CREB5: variants seen among roughly 807,000 people sequenced by gnomAD.
The protein encoded by CREB5 is cAMP responsive element binding protein 5.
Under a neutral mutation model 57.1 loss-of-function variants are expected in CREB5, and 19 were observed. The ratio of observed to expected loss-of-function variants is 0.33; its 90% CI spans 0.23 to 0.49. The LOEUF is 0.49. Ranked by LOEUF, CREB5 falls within the 20% of genes least tolerant of loss-of-function variation. The pLI, the probability that CREB5 is intolerant of heterozygous loss-of-function variation, is 0.99. For synonymous variants in CREB5, 238 were observed against 238.3 expected, an observed-to-expected ratio of 1.00 and a Z score of 0.01; for missense variants, 579 against 671.6, an observed-to-expected ratio of 0.86 and a Z score of 1.52.
In CREB5 at chr7:28,477,714, T is replaced by C. The variant is rs147172822; in HGVS notation, c.4-10461T>C. Among the ~76,000 whole-genome samples the C allele has an allele frequency of 2.3e-3, 343 of 152,280 alleles. 2 individuals are homozygous for C. The highest frequency in any genetic ancestry group is 7.7e-3 in the African/African-American group (320 of 41,570). ...CTTCCATGTGCTTTTTCCAGAGTGT[T>C]TTAGTGGATTTGCAGGCTTTAGTGA... On this transcript the variant is annotated intron_variant, in intron 1 of 10. Coordinates refer to ENST00000357727, the MANE Select transcript of CREB5 (RefSeq NM_182898.4).
intron 5 of CREB5, among the ~76,000 whole-genome samples, chr7:28,588,575 G>C (rs1209370089): frequency 6.6e-6 from 1 of 152,108 alleles, no homozygotes; most frequent in Non-Finnish European, 1.5e-5. Context: ...ATCTTCTTCA[G>C]TACCTTTCAA....
chr7:28,559,594 C>T (rs776733940), intron 4 of CREB5, among the ~76,000 whole-genome samples: 25 of 152,188 alleles, frequency 1.6e-4, no homozygotes, highest in African/African-American at 5.3e-4. Context: ...GGATTACAGG[C>T]GTGAGCCACC....
intron 1 of CREB5, among the ~76,000 whole-genome samples, chr7:28,445,055 C>A (rs985662719): frequency 1.3e-5 from 2 of 152,160 alleles, no homozygotes; most frequent in African/African-American, 4.8e-5. Context: ...CCATGCTGTT[C>A]TTGTGATAGT....
chr7:28,464,158 A>G (rs1447867590), intron 1 of CREB5, among the ~76,000 whole-genome samples: 3 of 152,102 alleles, frequency 2.0e-5, no homozygotes, highest in African/African-American at 7.3e-5. Context: ...CTAAGCCAAC[A>G]TTGTATTTCT....
intron 4 of CREB5, among the ~76,000 whole-genome samples, chr7:28,562,571 AG>A (rs1795320110): frequency 1.3e-5 from 2 of 152,142 alleles, no homozygotes; most frequent in Non-Finnish European, 2.9e-5. Context: ...GCAATGGGTG[AG>A]GGGGCTAAGG....
At chr7:28,749,338 A>G (rs995766731) in intron 7 of CREB5, 2 of 152,254 alleles carry the variant, frequency 1.3e-5, no homozygotes, top group African/African-American at 4.8e-5. Context: ...CAGTGGGGAA[A>G]GGGCACACCG....
intron 1 of CREB5, among the ~76,000 whole-genome samples, chr7:28,372,517 A>G (rs1786728880): frequency 6.6e-6 from 1 of 152,234 alleles, no homozygotes; most frequent in Admixed American, 6.5e-5. Context: ...TTACAATCGT[A>G]TTATTTGAGA....
chr7:28,409,117 C>A (rs1395419229), upstream of CREB5, among the ~76,000 whole-genome samples: 1 of 151,628 alleles, frequency 6.6e-6, no homozygotes, highest in Non-Finnish European at 1.5e-5. The surrounding 1 kb of genome is among the most constrained non-coding windows in gnomAD (Gnocchi z 4.4). Context: ...CGGCGCTGGG[C>A]TCTGCAAGCT....
intron 5 of CREB5, among the ~76,000 whole-genome samples, chr7:28,682,181 G>T (rs1419896762): frequency 1.3e-5 from 2 of 152,172 alleles, no homozygotes; most frequent in Non-Finnish European, 2.9e-5. Flanking sequence ...GTCACCAAGG[G>T]CAGATCACTC....
Position 28,809,173 on chromosome 7 carries a change from C to T in CREB5, c.1027-14C>T. On this transcript the variant is annotated splice_polypyrimidine_tract_variant and intron_variant, in intron 8 of 10. Coordinates refer to ENST00000357727, the MANE Select transcript of CREB5 (RefSeq NM_182898.4). ...TCCCTATCCCCATCACCTCCTCCCT[C>T]TCTGGCCCAGCAGGTTTCACCAGCA... 3 of 1,601,976 alleles carry T rather than the reference C, an allele frequency of 1.9e-6. No individual in the cohort carries two copies. The highest frequency in any genetic ancestry group is 2.6e-6 in the Non-Finnish European group (3 of 1,172,788).
At chr7:28,743,647 C>A (rs1241776714) in intron 7 of CREB5, among the ~76,000 whole-genome samples, 1 of 152,098 alleles carries the variant, frequency 6.6e-6, no homozygotes, top group African/African-American at 2.4e-5. Flanking sequence ...CACAGAAATT[C>A]ATTTCTCCAG....
intron 1 of CREB5, among the ~76,000 whole-genome samples, chr7:28,413,513 C>T (rs908961427): frequency 6.6e-6 from 1 of 152,040 alleles, no homozygotes; most frequent in Non-Finnish European, 1.5e-5. Flanking sequence ...ATTTTTAAAT[C>T]CTTACTGATT....
In CREB5 at chr7:28,463,890, C is replaced by T. The variant is rs567055789; in HGVS notation, c.4-24285C>T. The stretch of plus-strand genomic sequence containing the variant: ...TGAATAGAGATAGTTTTAATGGGTC[C>T]TTTCCAATCTGGATACCTTTTATTT... On this transcript the variant is annotated intron_variant, in intron 1 of 10. Transcript: ENST00000357727. Among the ~76,000 whole-genome samples the T allele has an allele frequency of 1.1e-3, 160 of 152,220 alleles. 5 individuals are homozygous for T. The South Asian group carries it at 0.033, about 31-fold the overall frequency.
chr7:28,502,400 A>G (rs1792309775), intron 3 of CREB5, among the ~76,000 whole-genome samples: 1 of 152,226 alleles, frequency 6.6e-6, no homozygotes, highest in South Asian at 2.1e-4. Flanking sequence ...AAAAAATATG[A>G]AAAGTACCTA....
chr7:28,316,400 A>T (rs1197756232), intron 1 of CREB5, among the ~76,000 whole-genome samples: 1 of 152,206 alleles, frequency 6.6e-6, no homozygotes, highest in East Asian at 1.9e-4. Flanking sequence ...GCCAGAAAAA[A>T]AGGATGTGTC....
chr7:28,343,078 C>T (rs949871259), intron 1 of CREB5, among the ~76,000 whole-genome samples: 6 of 151,980 alleles, frequency 3.9e-5, no homozygotes, highest in Non-Finnish European at 8.8e-5. Flanking sequence ...GTAGCTGGGA[C>T]TACAGGTACC....
upstream of CREB5, chr7:28,409,757 G>A (rs1787690331): frequency 5.4e-6 from 2 of 372,278 alleles, no homozygotes; most frequent in South Asian, 4.0e-5. The surrounding 1 kb of genome is among the most constrained non-coding windows in gnomAD (Gnocchi z 4.4). Flanking sequence ...AGCGCTCGGT[G>A]GCCGCCGCGC....
At chr7:28,777,146 T>G (rs1222628823) in intron 7 of CREB5, among the ~76,000 whole-genome samples, 1 of 152,196 alleles carries the variant, frequency 6.6e-6, no homozygotes, top group African/African-American at 2.4e-5. Flanking sequence ...GACTGAACCA[T>G]TTTACACAGT....
At chr7:28,712,964 C>T (rs1247317987) in intron 5 of CREB5, among the ~76,000 whole-genome samples, 1 of 150,746 alleles carries the variant, frequency 6.6e-6, no homozygotes, top group Non-Finnish European at 1.5e-5. Flanking sequence ...CTGTCCCAGA[C>T]AAAAAAAAGA....
Sources: allele counts gnomAD v4.1 joint callset (sites outside exome capture counted in the v4.1 genomes callset), GRCh38; gene constraint gnomAD v4.1.1; non-coding constraint Gnocchi (gnomAD v3.1); transcripts MANE v1.5; gene names NCBI Gene and HGNC (gene_info 2026-07-23, HGNC 2026-07-21).